The following ABHD18 variants were observed in gnomAD, a reference collection of about 807,000 sequenced individuals.
The protein encoded by ABHD18 is cardiolipin-specific deacylase, mitochondrial.
A neutral mutation model predicts 65.9 loss-of-function variants in ABHD18; 55 were observed. The ratio of observed to expected loss-of-function variants is 0.84; its 90% CI spans 0.67 to 1.05. The LOEUF (loss-of-function observed/expected upper bound fraction) is 1.05, where lower values mean the gene tolerates loss of function less well. ABHD18 is among the 50% of genes least tolerant of loss of function. The pLI, the probability that ABHD18 is intolerant of heterozygous loss-of-function variation, is 0.00. For missense variants in ABHD18, 533 were observed against 558.5 expected, an observed-to-expected ratio of 0.95 and a Z score of 0.46; for synonymous variants, 181 against 180.2, an observed-to-expected ratio of 1.00 and a Z score of -0.04.
At position 128,039,038 on chromosome 4, in the gene ABHD18, T is replaced by C. The variant is rs1429155358; in HGVS notation, c.*3225T>C. 6.6e-6 allele frequency: 1 copy of C among 150,458 alleles called. No homozygotes were observed. The highest frequency in any genetic ancestry group is 2.4e-5 in the African/African-American group (1 of 41,094). 9.3% of individuals were successfully genotyped at this position (150,458 alleles called of 1,614,324 possible). On this transcript the variant is annotated 3_prime_UTR_variant, in exon 13 of 13. Coordinates refer to ENST00000645843, the MANE Select transcript of ABHD18 (RefSeq NM_001358451.3). ...TTAAGTGTTCTCAAATACATAAATA[T>C]ACACATATACGTATATGTATACGTT...
Position 128,012,752 on chromosome 4 carries a change from T to A in ABHD18, c.470+1052T>A, listed in dbSNP as rs574682691. On this transcript the variant is annotated intron_variant, in intron 7 of 12. Transcript: ENST00000645843. The stretch of plus-strand genomic sequence containing the variant: ...CAATGTAAGCGTCAGGAGGGGAGAG[T>A]AGTACAAGATGAGGTCAGAAAGATA... Among the ~76,000 whole-genome samples the A allele has an allele frequency of 9.0e-5, 13 of 143,774 alleles. No individual in the cohort carries two copies. In the South Asian group the frequency reaches 2.5e-3, roughly 27 times the overall value. The allele number at this position is 143,774 out of a possible 152,430, so 94.3% of individuals were successfully genotyped here.
chr4:128,028,420 C>T, intron 10 of ABHD18, 55 bp from the exon 11 acceptor site: 1 of 1,265,048 alleles, frequency 7.9e-7, no homozygotes. Flanking sequence ...TTTGACAAAG[C>T]TGTTAATACC....
rs1758853916 is a variant in ABHD18, at chr4:128,036,044, G to C, written c.*231G>C. 1 of 352,128 alleles carries C rather than the reference G, an allele frequency of 2.8e-6. No individual in the cohort carries two copies. Among genetic ancestry groups the C allele is most frequent in the African/African-American group, 2.1e-5 (1 of 47,954 alleles). The allele number at this position is 352,128 out of a possible 1,614,324, so 21.8% of individuals were successfully genotyped here. A position where few individuals can be genotyped will look rare whatever the true frequency, so the allele number is the denominator to read the frequency against. On this transcript the variant is annotated 3_prime_UTR_variant, in exon 13 of 13. Coordinates refer to ENST00000645843, the MANE Select transcript of ABHD18 (RefSeq NM_001358451.3). ...AAAGTGTTTTTACTATTGTTTATTG[G>C]AATCCCATATATTCAGTGTTTAGTC... is the stretch of plus-strand genomic sequence containing the variant.
intron 1 of ABHD18, among the ~76,000 whole-genome samples, chr4:127,979,229 A>T (rs577727749): frequency 1.1e-4 from 17 of 152,336 alleles, no homozygotes; most frequent in African/African-American, 3.6e-4. Context: ...GCACTGAAAA[A>T]ATAATTAGTA....
chr4:127,969,996 G>C (rs1045355657), intron 1 of ABHD18, among the ~76,000 whole-genome samples: 1 of 151,776 alleles, frequency 6.6e-6, no homozygotes, highest in African/African-American at 2.4e-5. Context: ...CAGTCCTCCC[G>C]TCTTGGCCTC....
chr4:127,986,674 C>G (rs1303830885), intron 3 of ABHD18, among the ~76,000 whole-genome samples: 1 of 151,772 alleles, frequency 6.6e-6, no homozygotes, highest in East Asian at 1.9e-4. Context: ...ATTTTATATT[C>G]CCACCAGCAG....
At chr4:128,015,973 G>GA (rs1755415805) in intron 7 of ABHD18, among the ~76,000 whole-genome samples, 1 of 128,122 alleles carries the variant, frequency 7.8e-6, no homozygotes, top group Non-Finnish European at 1.6e-5. Context: ...TTTTTTTTGA[G>GA]ATGGAGCCTC....
chr4:128,026,299 A>AC (rs200989323), intron 10 of ABHD18, among the ~76,000 whole-genome samples: 13 of 149,120 alleles, frequency 8.7e-5, no homozygotes, highest in African/African-American at 2.3e-4. Flanking sequence ...AACAACAACA[A>AC]AAAAAAAAAA....
Position 128,038,984 on chromosome 4 carries a change from T to C in ABHD18, c.*3171T>C, listed in dbSNP as rs1325148389. Reference sequence around the variant, plus strand: ...GTGCAAAATAACTTTTCTTAGGATTTTTTAATCTATTCCCCCCAAAATGGT... The same window carrying C: ...GTGCAAAATAACTTTTCTTAGGATTCTTTAATCTATTCCCCCCAAAATGGT... On this transcript the variant is annotated 3_prime_UTR_variant, in exon 13 of 13. Coordinates refer to ENST00000645843, the MANE Select transcript of ABHD18 (RefSeq NM_001358451.3). 1 of 151,376 alleles carries C rather than the reference T, an allele frequency of 6.6e-6. No homozygotes were observed. Among genetic ancestry groups the C allele is most frequent in the Non-Finnish European group, 1.5e-5 (1 of 67,910 alleles). 9.4% of individuals were successfully genotyped at this position (151,376 alleles called of 1,614,324 possible).
chr4:128,009,084 T>C lies in ABHD18; in HGVS notation c.358-23T>C, dbSNP rs776345754. On this transcript the variant is annotated intron_variant, in intron 5 of 12. Transcript: ENST00000645843. ...GAAGTGGCTACTATATTCTTTTGAG[T>C]ATGTGTTCTTTTCTTTCCTTAGCAT... 73 of 1,585,802 alleles carry C rather than the reference T, an allele frequency of 4.6e-5. No homozygotes were observed. The South Asian group carries it at 8.4e-4, about 18-fold the overall frequency.
intron 4 of ABHD18, among the ~76,000 whole-genome samples, chr4:128,007,502 G>A (rs1442478122): frequency 6.6e-6 from 1 of 152,048 alleles, no homozygotes; most frequent in Non-Finnish European, 1.5e-5. Flanking sequence ...AGCACTTTGG[G>A]AGGCTAAGGC....
intron 4 of ABHD18, among the ~76,000 whole-genome samples, chr4:128,007,895 T>G (rs184217232): frequency 6.6e-6 from 1 of 152,308 alleles, no homozygotes; most frequent in East Asian, 1.9e-4. Flanking sequence ...ACATAAACTC[T>G]TATTGATATA....
At chr4:128,001,060 G>A (rs1014825438) in intron 4 of ABHD18, among the ~76,000 whole-genome samples, 2 of 152,036 alleles carry the variant, frequency 1.3e-5, no homozygotes, top group African/African-American at 4.8e-5. Context: ...GGTTTTTGAG[G>A]TATAATATTA....
intron 12 of ABHD18, among the ~76,000 whole-genome samples, chr4:128,032,773 C>A (rs1413951272): frequency 6.6e-6 from 1 of 151,976 alleles, no homozygotes; most frequent in Non-Finnish European, 1.5e-5. Flanking sequence ...TTTATGTGCT[C>A]TAATATTTTG....
chr4:128,028,934 T>G, intron 11 of ABHD18, 81 bp downstream of exon 11: 2 of 1,140,402 alleles, frequency 1.8e-6, no homozygotes. Flanking sequence ...CTCTATAAGA[T>G]AATTTTATAT....
chr4:127,969,579 G>C (rs1746331738), intron 1 of ABHD18, among the ~76,000 whole-genome samples: 1 of 152,116 alleles, frequency 6.6e-6, no homozygotes, highest in Non-Finnish European at 1.5e-5. Flanking sequence ...TATTTGAAAA[G>C]TTCATTGTTC....
intron 7 of ABHD18, among the ~76,000 whole-genome samples, chr4:128,017,013 G>T (rs1479511601): frequency 6.6e-6 from 1 of 151,982 alleles, no homozygotes; most frequent in South Asian, 2.1e-4. Flanking sequence ...TGCCTCCCAG[G>T]TTCAAGCGAT....
In ABHD18 at chr4:128,035,963, A is replaced by G; in HGVS notation, c.*150A>G. The G allele has an allele frequency of 4.5e-6, 2 of 441,982 alleles. No homozygotes were observed. Among genetic ancestry groups the G allele is most frequent in the Non-Finnish European group, 8.0e-6 (2 of 248,604 alleles). The allele number at this position is 441,982 out of a possible 1,614,324, so 27.4% of individuals were successfully genotyped here. A position where few individuals can be genotyped will look rare whatever the true frequency, so the allele number is the denominator to read the frequency against. Reference sequence around the variant, plus strand: ...ATTCATTGTTACACATCAGTTAACTATAAACTTCGAATACATTTGAATAAT... The same window carrying G: ...ATTCATTGTTACACATCAGTTAACTGTAAACTTCGAATACATTTGAATAAT... On this transcript the variant is annotated 3_prime_UTR_variant, in exon 13 of 13. Coordinates refer to ENST00000645843, the MANE Select transcript of ABHD18 (RefSeq NM_001358451.3).
chr4:127,981,164 T>C (rs1459881299), intron 1 of ABHD18, among the ~76,000 whole-genome samples: 2 of 152,182 alleles, frequency 1.3e-5, no homozygotes, highest in East Asian at 3.8e-4. Flanking sequence ...TTATGGTGGT[T>C]TGACTTACGA....
Sources: allele counts gnomAD v4.1 joint callset (sites outside exome capture counted in the v4.1 genomes callset), GRCh38; gene constraint gnomAD v4.1.1; transcripts MANE v1.5; gene names NCBI Gene and HGNC (gene_info 2026-07-23, HGNC 2026-07-21).